The following KCNC3 variants were observed in gnomAD, a reference collection of about 807,000 sequenced individuals.
The protein encoded by KCNC3 is potassium voltage-gated channel subfamily C member 3.
In KCNC3, 22 loss-of-function variants were observed where a neutral mutation model predicts 43.9. That is an observed-to-expected ratio of 0.50 (90% confidence interval 0.36 to 0.72). KCNC3 has a LOEUF of 0.72. Ranked by LOEUF, KCNC3 falls within the 30% of genes least tolerant of loss-of-function variation. The probability of loss-of-function intolerance (pLI) is 0.00; values close to 1 mark genes in which losing one functional copy is unlikely to be tolerated. For synonymous variants in KCNC3, 492 were observed against 488.0 expected (o/e 1.01, Z -0.11); for missense variants, 829 against 1,073.8 (o/e 0.77, Z 3.19).
Position 50,324,113 on chromosome 19 carries a change from G to A in KCNC3, c.871-31C>T. 1 of 1,557,326 alleles carries A rather than the reference G, an allele frequency of 6.4e-7. No individual in the cohort carries two copies. The highest frequency in any genetic ancestry group is 1.4e-5 in the African/African-American group (1 of 73,384). ...GGGCAGGGAGGGAGAGAGAGGGGGA[G>A]AGGTGACCTAGGCATCAGGTTGGCC... On this transcript the variant is annotated intron_variant, in intron 1 of 4. Transcript: ENST00000477616. This position sits in a 1 kb window ranked among gnomAD's most constrained non-coding sequence, Gnocchi z 4.1.
In KCNC3 at chr19:50,328,955, G is replaced by GGCTGCT. The variant is rs1046026073; in HGVS notation, c.122_127dup (p.Gln41_Gln42dup). 3.9e-5 allele frequency: 36 copies of GGCTGCT among 911,790 alleles called. No homozygotes were observed. Among genetic ancestry groups the GGCTGCT allele is most frequent in the African/African-American group, 3.4e-4 (19 of 55,414 alleles). 56.5% of individuals were successfully genotyped at this position (911,790 alleles called of 1,614,324 possible). On this transcript the variant is annotated inframe_insertion, in exon 1 of 5. Transcript: ENST00000477616. ...GGACGCGGCGGGGCCGGGCTGCGCA[G>GGCTGCT]GCTGCTGCTGCTGCGGCGGCAGCGG...
rs768533410 is a variant in KCNC3 at position 50,315,851 on chromosome 19, G to C, written c.*264C>G. ...TCCAGCAACAGTGTGTGTGGTTTCT[G>C]CAAAGCCTGGGGCTGCCTGCAGGGT... On this transcript the variant is annotated 3_prime_UTR_variant, in exon 5 of 5. Coordinates refer to ENST00000477616, the MANE Select transcript of KCNC3 (RefSeq NM_004977.3). 2.4e-4 allele frequency: 73 copies of C among 301,508 alleles called. No homozygotes were observed. Among genetic ancestry groups the C allele is most frequent in the Non-Finnish European group, 3.4e-4 (53 of 154,896 alleles). The allele number at this position is 301,508 out of a possible 1,614,324, so 18.7% of individuals were successfully genotyped here. A position where few individuals can be genotyped will look rare whatever the true frequency, so the allele number is the denominator to read the frequency against.
chr19:50,329,313 A>T lies in KCNC3; in HGVS notation c.-231T>A, dbSNP rs575967406. The stretch of plus-strand genomic sequence containing the variant: ...TCGGGGCCGCCAATGAGACGGAGCG[A>T]TTGGCTCTTTCTAAGAGAGCAGGGA... On this transcript the variant is annotated 5_prime_UTR_variant, in exon 1 of 5. Coordinates refer to ENST00000477616, the MANE Select transcript of KCNC3 (RefSeq NM_004977.3). 435 of 127,680 alleles carry T rather than the reference A, an allele frequency of 3.4e-3. 1 individual carries two copies. Among genetic ancestry groups the T allele is most frequent in the Non-Finnish European group, 4.8e-3 (301 of 63,166 alleles). The allele number at this position is 127,680 out of a possible 1,614,324, so 7.9% of individuals were successfully genotyped here.
chr19:50,318,035 C>T (rs1377740856), intron 4 of KCNC3, among the ~76,000 whole-genome samples: 1 of 152,222 alleles, frequency 6.6e-6, no homozygotes, highest in Non-Finnish European at 1.5e-5. Context: ...TCAAATGATA[C>T]TCCCACCTTG....
chr19:50,326,080 G>A (rs911911454), intron 1 of KCNC3, among the ~76,000 whole-genome samples: 1 of 152,166 alleles, frequency 6.6e-6, no homozygotes, highest in Non-Finnish European at 1.5e-5. Flanking sequence ...GGCGGGGGCA[G>A]GGGGCTGTAG....
chr19:50,330,546 G>A (rs1200498092), upstream of KCNC3, among the ~76,000 whole-genome samples: 2 of 152,100 alleles, frequency 1.3e-5, no homozygotes, highest in Non-Finnish European at 2.9e-5. Flanking sequence ...AGGTCACAGG[G>A]TCTCAAAGGG....
At position 50,328,962 on chromosome 19, in the gene KCNC3, G is replaced by C. The variant is rs2037144483; in HGVS notation, c.121C>G (p.Gln41Glu). 2.8e-5 allele frequency: 27 copies of C among 956,408 alleles called. No homozygotes were observed. The highest frequency in any genetic ancestry group is 3.5e-5 in the Non-Finnish European group (27 of 768,964). 59.2% of individuals were successfully genotyped at this position (956,408 alleles called of 1,614,324 possible). Residue 41 changes from glutamine (Q) to glutamate (E), a missense_variant, in exon 1 of 5, where the codon CAG (glutamine) becomes GAG (glutamate). Physicochemically the swap from Gln to Glu is conservative, Grantham distance 29 (BLOSUM62 2). Transcript: ENST00000477616. Reference sequence around the variant, plus strand: ...GCGGGGCCGGGCTGCGCAGGCTGCTGCTGCTGCGGCGGCAGCGGTGGCGGC... The same window carrying C: ...GCGGGGCCGGGCTGCGCAGGCTGCTCCTGCTGCGGCGGCAGCGGTGGCGGC... Reference protein sequence around the residue: ...PPPPPLPPQQQQPAQPGPAAS... With the variant: ...PPPPPLPPQQEQPAQPGPAAS...
At chr19:50,317,168 G>A (rs1265167435) in intron 4 of KCNC3, among the ~76,000 whole-genome samples, 2 of 151,724 alleles carry the variant, frequency 1.3e-5, no homozygotes, top group Non-Finnish European at 2.9e-5. Flanking sequence ...GAGCAGGGAG[G>A]GGAGTGGGGG....
chr19:50,315,975 G>A lies in KCNC3; in HGVS notation c.*140C>T, dbSNP rs572462729. 1.6e-4 allele frequency: 51 copies of A among 318,346 alleles called. No homozygotes were observed. Among genetic ancestry groups the A allele is most frequent in the Admixed American group, 4.6e-4 (9 of 19,618 alleles). The allele number at this position is 318,346 out of a possible 1,614,324, so 19.7% of individuals were successfully genotyped here. A position where few individuals can be genotyped will look rare whatever the true frequency, so the allele number is the denominator to read the frequency against. Reference sequence around the variant, plus strand: ...GATCGTAGGAGGGAGGGCTTGGGGGGAGATTTGAAGCCCAGTGTCTTGGGG... The same window carrying A: ...GATCGTAGGAGGGAGGGCTTGGGGGAAGATTTGAAGCCCAGTGTCTTGGGG... On this transcript the variant is annotated 3_prime_UTR_variant, in exon 5 of 5. Transcript: ENST00000477616.
intron 4 of KCNC3, among the ~76,000 whole-genome samples, chr19:50,317,294 G>A (rs886978109): frequency 6.6e-6 from 1 of 152,078 alleles, no homozygotes; most frequent in African/African-American, 2.4e-5. Flanking sequence ...GAAGCCTGGG[G>A]TCTCGGCCCT....
chr19:50,320,947 G>C (rs560642395), intron 2 of KCNC3, among the ~76,000 whole-genome samples, 163 bp from the exon 3 acceptor site: 1 of 150,942 alleles, frequency 6.6e-6, no homozygotes, highest in East Asian at 2.0e-4. Flanking sequence ...GGAGTGGCCA[G>C]GAGGGTGGCA....
upstream of KCNC3, among the ~76,000 whole-genome samples, chr19:50,331,931 AG>A (rs2037194075): frequency 6.6e-6 from 1 of 152,046 alleles, no homozygotes; most frequent in Admixed American, 6.5e-5. Flanking sequence ...GCGTCACTGC[AG>A]AGAGAGTTGC....
upstream of KCNC3, among the ~76,000 whole-genome samples, chr19:50,332,511 A>AT (rs1164966634): frequency 1.3e-5 from 2 of 151,998 alleles, no homozygotes; most frequent in East Asian, 3.9e-4. The surrounding 1 kb of genome is among the most constrained non-coding windows in gnomAD (Gnocchi z 5.8). Flanking sequence ...GGAAACTTGG[A>AT]TGCCAGCACT....
chr19:50,322,873 C>G (rs1175457244), intron 2 of KCNC3, 102 bp downstream of exon 2: 1 of 1,289,594 alleles, frequency 7.8e-7, no homozygotes, highest in African/African-American at 1.5e-5. Context: ...TCCCTCACCT[C>G]TTCGACGCCA....
chr19:50,323,578 C>T lies in KCNC3; in HGVS notation c.1375G>A (p.Val459Met). ...TAAATCATGGTGGCGAAGATGAGCA[C>T]CCCCAGGGCCAGGAAGATGATGAGC... ...LLLIIFLALG[V>M]LIFATMIYYA... The change falls in exon 2 of 5, where the codon GTG (valine) becomes ATG (methionine). Residue 459 changes from valine to methionine, a missense_variant. By Grantham distance (21) the Val-to-Met change is conservative. This residue lies in a region of KCNC3 where 157 missense variants were observed against 293.5 expected (regional missense o/e 0.53). Coordinates refer to ENST00000477616, the MANE Select transcript of KCNC3 (RefSeq NM_004977.3). The T allele has an allele frequency of 6.2e-7, 1 of 1,614,198 alleles. No individual in the cohort carries two copies. Among genetic ancestry groups the T allele is most frequent in the Non-Finnish European group, 8.5e-7 (1 of 1,180,030 alleles).
intron 1 of KCNC3, among the ~76,000 whole-genome samples, chr19:50,327,567 A>G (rs2123543605): frequency 6.6e-6 from 1 of 152,140 alleles, no homozygotes; most frequent in East Asian, 1.9e-4. Context: ...AAGGGAGTGG[A>G]AAAAATAATC....
At position 50,314,756 on chromosome 19, in the gene KCNC3, T is replaced by C. The variant is rs748694816; in HGVS notation, c.*1359A>G. ...TTGCATATTATTAATGACTTTTTGA[T>C]TTTTTTTAAAAAAACCCTTTTCCCC... On this transcript the variant is annotated 3_prime_UTR_variant, in exon 5 of 5. Transcript: ENST00000477616. 1 of 436,094 alleles carries C rather than the reference T, an allele frequency of 2.3e-6. No individual in the cohort carries two copies. Among genetic ancestry groups the C allele is most frequent in the Admixed American group, 2.5e-5 (1 of 40,692 alleles). 27.0% of individuals were successfully genotyped at this position (436,094 alleles called of 1,614,324 possible).
intron 1 of KCNC3, among the ~76,000 whole-genome samples, chr19:50,326,648 GC>G (rs1055271770): frequency 6.6e-6 from 1 of 151,968 alleles, no homozygotes; most frequent in Non-Finnish European, 1.5e-5. Flanking sequence ...ATTTCCAATT[GC>G]CCCCATTTTG....
chr19:50,321,905 G>C (rs563164734), intron 2 of KCNC3, among the ~76,000 whole-genome samples: 1 of 152,200 alleles, frequency 6.6e-6, no homozygotes, highest in African/African-American at 2.4e-5. Flanking sequence ...GTAGCGGGTG[G>C]AGGCATGGCT....
Sources: allele counts gnomAD v4.1 joint callset (sites outside exome capture counted in the v4.1 genomes callset), GRCh38; gene constraint gnomAD v4.1.1; regional missense constraint gnomAD v4.1.1; non-coding constraint Gnocchi (gnomAD v3.1); transcripts MANE v1.5; gene names NCBI Gene and HGNC (gene_info 2026-07-23, HGNC 2026-07-21).